The following LPAR1 variants were observed in gnomAD, a reference collection of about 807,000 sequenced individuals.
LPAR1 encodes the protein lysophosphatidic acid receptor 1.
In LPAR1, 5 loss-of-function variants were observed where a neutral mutation model predicts 23.8. The observed-to-expected ratio is 0.21, with a 90% confidence interval of 0.11 to 0.44. The LOEUF (loss-of-function observed/expected upper bound fraction) is 0.44. Ranked by LOEUF, LPAR1 falls within the 20% of genes least tolerant of loss-of-function variation. The pLI is 0.99. For synonymous variants in LPAR1, 160 were observed against 164.7 expected, an observed-to-expected ratio of 0.97 and a Z score of 0.22; for missense variants, 311 against 482.8, an observed-to-expected ratio of 0.64 and a Z score of 3.33.
intron 5 of LPAR1, among the ~76,000 whole-genome samples, chr9:110,894,318 A>G (rs1488877446): frequency 6.6e-6 from 1 of 152,226 alleles, no homozygotes; most frequent in African/African-American, 2.4e-5. Context: ...CTTACTGCAT[A>G]TGGGACATTG....
intron 5 of LPAR1, among the ~76,000 whole-genome samples, chr9:110,879,025 T>C (rs1340203396): frequency 6.6e-6 from 1 of 152,176 alleles, no homozygotes; most frequent in Non-Finnish European, 1.5e-5. Flanking sequence ...TCAGTAGTCA[T>C]AGTGCTTTGA....
intron 5 of LPAR1, among the ~76,000 whole-genome samples, chr9:110,914,410 C>T (rs2092821208): frequency 6.6e-6 from 1 of 152,180 alleles, no homozygotes. Context: ...GGGTTTCCCC[C>T]TGTAAAACCA....
chr9:110,949,536 T>C (rs1356847739), intron 4 of LPAR1, among the ~76,000 whole-genome samples: 1 of 152,230 alleles, frequency 6.6e-6, no homozygotes, highest in Admixed American at 6.5e-5. Flanking sequence ...ACTCCCATCT[T>C]ACATGTTACT....
At position 111,038,101 on chromosome 9, in the gene LPAR1, G is replaced by C. The variant is rs1294447765; in HGVS notation, c.-262+66C>G. The stretch of plus-strand genomic sequence containing the variant: ...AGCGCGCCGTGTGGCGGGCCGAGCA[G>C]TCGCCGCGGCCTCTGGCTTCGCGCC... On this transcript the variant is annotated intron_variant, in intron 1 of 5. Transcript: ENST00000683809. The surrounding 1 kb of genome is among the most constrained non-coding windows in gnomAD (Gnocchi z 4.4). 6.6e-6 allele frequency: 1 copy of C among 151,444 alleles called. No individual in the cohort carries two copies. Among genetic ancestry groups the C allele is most frequent in the East Asian group, 2.0e-4 (1 of 5,118 alleles). 9.4% of individuals were successfully genotyped at this position (151,444 alleles called of 1,614,324 possible).
intron 4 of LPAR1, among the ~76,000 whole-genome samples, chr9:110,950,653 T>G (rs1173999670): frequency 6.6e-6 from 1 of 151,640 alleles, no homozygotes; most frequent in Non-Finnish European, 1.5e-5. Context: ...GAAAAAAAAA[T>G]TCTAGTTATT....
chr9:110,888,957 A>G (rs920724958), intron 5 of LPAR1, among the ~76,000 whole-genome samples: 7 of 152,226 alleles, frequency 4.6e-5, no homozygotes, highest in Non-Finnish European at 1.0e-4. Flanking sequence ...ACATCGAGAG[A>G]GCAGGAAAGA....
intron 4 of LPAR1, among the ~76,000 whole-genome samples, chr9:110,960,358 C>A (rs1351869190): frequency 6.6e-6 from 1 of 152,056 alleles, no homozygotes; most frequent in East Asian, 1.9e-4. Context: ...CCTGCAGAAG[C>A]CTACTATATA....
At chr9:110,950,818 T>C (rs2095546289) in intron 4 of LPAR1, among the ~76,000 whole-genome samples, 2 of 152,192 alleles carry the variant, frequency 1.3e-5, no homozygotes, top group East Asian at 1.9e-4. Flanking sequence ...CCAGTATCAA[T>C]ATATAAATTT....
At chr9:110,985,094 A>C (rs2096753338) in intron 2 of LPAR1, among the ~76,000 whole-genome samples, 1 of 152,090 alleles carries the variant, frequency 6.6e-6, no homozygotes, top group African/African-American at 2.4e-5. Flanking sequence ...CAAATGGTTC[A>C]GCTGGGATGA....
intron 5 of LPAR1, among the ~76,000 whole-genome samples, chr9:110,928,549 A>G (rs776517968): frequency 5.3e-5 from 8 of 152,206 alleles, no homozygotes. Flanking sequence ...GAATTTGCCA[A>G]ATTAAACAAA....
intron 2 of LPAR1, among the ~76,000 whole-genome samples, chr9:110,985,586 C>G (rs771118622): frequency 1.3e-5 from 2 of 152,032 alleles, no homozygotes; most frequent in Non-Finnish European, 2.9e-5. Context: ...ATTCTAGAAG[C>G]TGGAGAAACT....
At chr9:110,989,296 G>A (rs10124804) in intron 2 of LPAR1, among the ~76,000 whole-genome samples, 2,793 of 152,228 alleles carry the variant, frequency 0.018, 79 homozygotes, top group African/African-American at 0.064. Context: ...AAGTGATCCT[G>A]TCTCTGCCTC....
At chr9:111,037,987 C>G (rs567151021) in intron 1 of LPAR1, 180 bp downstream of exon 1, 3 of 152,274 alleles carry the variant, frequency 2.0e-5, no homozygotes, top group South Asian at 2.1e-4. Flanking sequence ...ACCCGCGCCG[C>G]GGCCCACAGC....
intron 5 of LPAR1, among the ~76,000 whole-genome samples, chr9:110,924,973 G>A (rs924203020): frequency 2.6e-5 from 4 of 151,912 alleles, no homozygotes; most frequent in South Asian, 2.1e-4. Context: ...GGCATGTCAC[G>A]GCCAGATTTG....
chr9:110,929,422 T>C (rs534146183), intron 5 of LPAR1, among the ~76,000 whole-genome samples: 4 of 152,130 alleles, frequency 2.6e-5, no homozygotes, highest in Admixed American at 2.6e-4. Context: ...ACAAAGACTA[T>C]GTAACAGAAG....
At chr9:110,971,964 C>G (rs945768888) in intron 4 of LPAR1, 109 bp downstream of exon 4, 4 of 913,268 alleles carry the variant, frequency 4.4e-6, no homozygotes, top group Admixed American at 1.9e-5. Context: ...CAAATGATAG[C>G]GAGAGAGATA....
At chr9:110,922,408 G>A (rs1035486347) in intron 5 of LPAR1, among the ~76,000 whole-genome samples, 1 of 152,134 alleles carries the variant, frequency 6.6e-6, no homozygotes, top group African/African-American at 2.4e-5. Context: ...ATAAAACTCA[G>A]TGTGGAACAG....
intron 2 of LPAR1, among the ~76,000 whole-genome samples, chr9:110,990,474 A>G (rs2096873524): frequency 6.6e-6 from 1 of 152,174 alleles, no homozygotes; most frequent in Non-Finnish European, 1.5e-5. Context: ...TAAGTAATGT[A>G]TCTGTATATA....
intron 2 of LPAR1, among the ~76,000 whole-genome samples, chr9:111,010,089 C>A (rs2097305418): frequency 6.9e-6 from 1 of 144,314 alleles, no homozygotes; most frequent in African/African-American, 2.6e-5. Flanking sequence ...TGTATACAAA[C>A]CTTTGTGCAA....
Sources: gnomAD v4.1 joint callset for allele counts (sites outside exome capture counted in the v4.1 genomes callset) on GRCh38, gnomAD v4.1.1 for gene constraint, Gnocchi (gnomAD v3.1) non-coding constraint, MANE v1.5 for transcripts, NCBI Gene and HGNC (gene_info 2026-07-23, HGNC 2026-07-21) for gene names.